DSE: variants seen among roughly 807,000 people sequenced by gnomAD.
The protein encoded by DSE is dermatan-sulfate epimerase.
Under a neutral mutation model 84.4 loss-of-function variants are expected in DSE, and 36 were observed. That is an observed-to-expected ratio of 0.43 (90% CI 0.33 to 0.56). The LOEUF is 0.56. Among genes scored for constraint, DSE ranks in the 20% least tolerant of loss-of-function variants. The probability of loss-of-function intolerance (pLI) is 0.06; values close to 1 mark genes in which losing one functional copy is unlikely to be tolerated. For missense variants in DSE, 862 were observed against 1,169.6 expected, an observed-to-expected ratio of 0.74 and a Z score of 3.84; for synonymous variants, 410 against 430.1, an observed-to-expected ratio of 0.95 and a Z score of 0.58.
At chr6:116,386,377 T>TA (rs1562272276) in intron 1 of DSE, among the ~76,000 whole-genome samples, 1 of 152,168 alleles carries the variant, frequency 6.6e-6, no homozygotes, top group South Asian at 2.1e-4. Flanking sequence ...TAGAAGGACT[T>TA]ACAACATTTG....
At chr6:116,280,756 G>A (rs1339413489) in intron 2 of DSE, among the ~76,000 whole-genome samples, 1 of 152,182 alleles carries the variant, frequency 6.6e-6, no homozygotes, top group Non-Finnish European at 1.5e-5. Flanking sequence ...GTCTTAGAGA[G>A]CTACAAGGCC....
chr6:116,363,792 A>G (rs1779030105), intron 2 of DSE, among the ~76,000 whole-genome samples: 1 of 152,172 alleles, frequency 6.6e-6, no homozygotes, highest in Non-Finnish European at 1.5e-5. Context: ...TAGGCACTTG[A>G]TTTCTTTCAA....
chr6:116,372,550 G>T (rs1380865941), intron 1 of DSE, among the ~76,000 whole-genome samples: 1 of 152,096 alleles, frequency 6.6e-6, no homozygotes, highest in African/African-American at 2.4e-5. Context: ...TACTAAATGG[G>T]ATCACAAAAA....
At chr6:116,258,705 C>G in exon 2 of DSE, 1 of 1,605,914 alleles carries the variant, frequency 6.2e-7, no homozygotes, top group Non-Finnish European at 8.5e-7. Flanking sequence ...CGTCCACAGC[C>G]TGTCGTCTCA....
At chr6:116,400,849 T>C (rs990564918) in intron 2 of DSE, 4 of 152,228 alleles carry the variant, frequency 2.6e-5, no homozygotes, top group African/African-American at 9.6e-5. Flanking sequence ...ACTTATCTGA[T>C]ATTTGAATTA....
chr6:116,299,022 C>T (rs1774834072), intron 2 of DSE, among the ~76,000 whole-genome samples: 1 of 152,166 alleles, frequency 6.6e-6, no homozygotes, highest in South Asian at 2.1e-4. Context: ...TGTGATTTTA[C>T]TTAACTCTCT....
chr6:116,367,610 G>T (rs1286590767), upstream of DSE, among the ~76,000 whole-genome samples: 1 of 152,132 alleles, frequency 6.6e-6, no homozygotes, highest in Non-Finnish European at 1.5e-5. Flanking sequence ...GGATGCCTCT[G>T]CTTGAGATAA....
chr6:116,348,124 A>G (rs576477755), intron 2 of DSE, among the ~76,000 whole-genome samples: 23 of 152,340 alleles, frequency 1.5e-4, no homozygotes, highest in African/African-American at 5.1e-4. Context: ...TAGAATGGCA[A>G]TCATTAAAAA....
chr6:116,433,229 C>A, intron 4 of DSE, 114 bp from the exon 5 acceptor site: 1 of 980,926 alleles, frequency 1.0e-6, no homozygotes, highest in Non-Finnish European at 1.5e-6. Context: ...TTTATTTTAT[C>A]CCTTCCATTA....
At chr6:116,306,096 G>A (rs6568928) in intron 2 of DSE, among the ~76,000 whole-genome samples, 24,087 of 152,066 alleles carry the variant, frequency 0.16, 2,080 homozygotes, top group African/African-American at 0.21. Context: ...ATCCATATCA[G>A]TATATAAATG....
At chr6:116,259,889 A>G (rs528374608) in intron 2 of DSE, among the ~76,000 whole-genome samples, 18 of 152,282 alleles carry the variant, frequency 1.2e-4, no homozygotes, top group African/African-American at 4.3e-4. Flanking sequence ...CTAGCCTATC[A>G]TTGATGAGCA....
At chr6:116,300,718 C>T (rs1774986786) in intron 2 of DSE, among the ~76,000 whole-genome samples, 1 of 152,062 alleles carries the variant, frequency 6.6e-6, no homozygotes, top group Admixed American at 6.6e-5. Context: ...AATCTGAGTC[C>T]AAAATAAATG....
At position 116,309,236 on chromosome 6, in the gene DSE, C is replaced by T. The variant is rs1775521144; in HGVS notation, c.-54+50269C>T. Among the ~76,000 whole-genome samples, 3 of 152,222 alleles carry T rather than the reference C, an allele frequency of 2.0e-5. No homozygotes were observed. In the South Asian group the frequency reaches 6.2e-4, roughly 32 times the overall value. On this transcript the variant is annotated intron_variant, in intron 2 of 3. Transcript: ENST00000430252. The stretch of plus-strand genomic sequence containing the variant: ...CCCCTCATCCTGTATACACACAACT[C>T]TACTTTTTAGGTGGATTTCTTCCAA...
At chr6:116,354,977 A>G (rs1778500048) in intron 2 of DSE, among the ~76,000 whole-genome samples, 1 of 152,186 alleles carries the variant, frequency 6.6e-6, no homozygotes, top group Non-Finnish European at 1.5e-5. Flanking sequence ...CACTGTACTC[A>G]TTCACATATA....
intron 2 of DSE, among the ~76,000 whole-genome samples, chr6:116,353,356 A>G (rs1008270206): frequency 2.6e-5 from 4 of 152,200 alleles, no homozygotes; most frequent in Non-Finnish European, 5.9e-5. Flanking sequence ...GTGGAAAATT[A>G]AGGGATATTT....
At chr6:116,420,434 T>A (rs2115047068) in intron 2 of DSE, among the ~76,000 whole-genome samples, 1 of 152,260 alleles carries the variant, frequency 6.6e-6, no homozygotes, top group East Asian at 1.9e-4. Context: ...TCTTGTGCAC[T>A]CTCTCTCACG....
intron 2 of DSE, among the ~76,000 whole-genome samples, chr6:116,422,375 C>G (rs188383199): frequency 7.2e-5 from 11 of 152,348 alleles, no homozygotes; most frequent in Admixed American, 7.2e-4. Flanking sequence ...TTTCCTTGAA[C>G]TGGCAGGCCT....
At chr6:116,346,299 T>C (rs1312039639) in intron 2 of DSE, among the ~76,000 whole-genome samples, 5 of 152,182 alleles carry the variant, frequency 3.3e-5, no homozygotes, top group Admixed American at 1.3e-4. Flanking sequence ...TACCAAAGCC[T>C]GGCAGAGGCC....
chr6:116,381,220 T>C (rs1025071234), intron 1 of DSE, among the ~76,000 whole-genome samples: 6 of 151,924 alleles, frequency 3.9e-5, no homozygotes, highest in Admixed American at 1.3e-4. Flanking sequence ...AAGTACCACG[T>C]TGGATGTGGA....
Sources: gnomAD v4.1 joint callset for allele counts (sites outside exome capture counted in the v4.1 genomes callset) on GRCh38, gnomAD v4.1.1 for gene constraint, MANE v1.5 for transcripts, NCBI Gene and HGNC (gene_info 2026-07-23, HGNC 2026-07-21) for gene names.